The following CECR2 variants were observed in gnomAD, a reference collection of about 807,000 sequenced individuals.
The protein encoded by CECR2 is chromatin remodeling regulator CECR2.
A neutral mutation model predicts 154.5 loss-of-function variants in CECR2; 30 were observed. That is an observed-to-expected ratio of 0.19 (90% CI 0.15 to 0.26). The LOEUF is 0.26. CECR2 is among the 10% of genes least tolerant of loss of function. The probability of loss-of-function intolerance (pLI) is 1.00; values close to 1 mark genes in which losing one functional copy is unlikely to be tolerated. For missense variants in CECR2, 1,743 were observed against 1,829.3 expected, an observed-to-expected ratio of 0.95 and a Z score of 0.86; for synonymous variants, 725 against 683.7, an observed-to-expected ratio of 1.06 and a Z score of -0.94.
At chr22:17,465,190 G>T (rs1173280552) in intron 1 of CECR2, among the ~76,000 whole-genome samples, 1 of 151,878 alleles carries the variant, frequency 6.6e-6, no homozygotes, top group Non-Finnish European at 1.5e-5. Flanking sequence ...TAAAGACGGG[G>T]TTTCACCGTG....
intron 8 of CECR2, among the ~76,000 whole-genome samples, chr22:17,516,063 C>T (rs1196416216): frequency 2.0e-5 from 3 of 152,204 alleles, no homozygotes; most frequent in Non-Finnish European, 4.4e-5. Flanking sequence ...GAATACCTTC[C>T]TATATTATAT....
intron 1 of CECR2, among the ~76,000 whole-genome samples, chr22:17,433,740 C>T (rs1022603172): frequency 2.0e-5 from 3 of 152,170 alleles, no homozygotes; most frequent in Admixed American, 6.5e-5. Flanking sequence ...AGTCACTGTA[C>T]GTGGCCTCCT....
chr22:17,464,781 A>G (rs2054999981), intron 1 of CECR2, among the ~76,000 whole-genome samples: 1 of 152,160 alleles, frequency 6.6e-6, no homozygotes, highest in Admixed American at 6.5e-5. Flanking sequence ...GATTACATCC[A>G]TGAGCCATTG....
chr22:17,465,218 G>A (rs910738889), intron 1 of CECR2, among the ~76,000 whole-genome samples: 3 of 152,064 alleles, frequency 2.0e-5, no homozygotes, highest in African/African-American at 7.2e-5. Context: ...GGATGGTCTT[G>A]ATCTCCTGAC....
intron 1 of CECR2, among the ~76,000 whole-genome samples, chr22:17,454,384 C>G (rs1295543851): frequency 1.3e-5 from 2 of 150,988 alleles, no homozygotes; most frequent in Non-Finnish European, 2.9e-5. Flanking sequence ...GCGGGTGGAT[C>G]CACGAGGTCA....
intron 3 of CECR2, among the ~76,000 whole-genome samples, chr22:17,498,975 A>ATTTT (rs1331385817): frequency 6.9e-6 from 1 of 145,776 alleles, no homozygotes; most frequent in East Asian, 2.4e-4. Flanking sequence ...ATACTTGGAC[A>ATTTT]TTTTTATTTA....
intron 1 of CECR2, among the ~76,000 whole-genome samples, chr22:17,447,933 G>A (rs2146688932): frequency 1.3e-5 from 2 of 152,112 alleles, no homozygotes; most frequent in Non-Finnish European, 2.9e-5. Flanking sequence ...TGGCTGCTGT[G>A]TTGGACAGTG....
chr22:17,474,507 C>T (rs956321669), intron 1 of CECR2, among the ~76,000 whole-genome samples: 21 of 152,148 alleles, frequency 1.4e-4, no homozygotes, highest in African/African-American at 5.1e-4. Flanking sequence ...TGATATTCTA[C>T]TTTCTATTGT....
Position 17,544,836 on chromosome 22 carries a change from AG to A in CECR2, c.2860+1835del, listed in dbSNP as rs370727153. Among the ~76,000 whole-genome samples, 17 of 139,200 alleles carry A rather than the reference AG, an allele frequency of 1.2e-4. 1 individual carries two copies. The highest frequency in any genetic ancestry group is 6.6e-4 in the Admixed American group (9 of 13,584). 91.3% of individuals were successfully genotyped at this position (139,200 alleles called of 152,430 possible). On this transcript the variant is annotated intron_variant, in intron 16 of 18. Coordinates refer to ENST00000262608, the MANE Select transcript of CECR2 (RefSeq NM_001290047.2). The stretch of plus-strand genomic sequence containing the variant: ...AAAAAAAAAAAAAAAAAAAAAAAAA[AG>A]GTTCATGCCTATAGTCCCAGCTACT...
chr22:17,394,422 T>C (rs1601279506), intron 1 of CECR2, among the ~76,000 whole-genome samples: 1 of 151,974 alleles, frequency 6.6e-6, no homozygotes, highest in East Asian at 1.9e-4. Flanking sequence ...CTATCCAGGC[T>C]GGCCTTGAAC....
upstream of CECR2, among the ~76,000 whole-genome samples, chr22:17,367,165 C>CG (rs2063006482): frequency 2.0e-5 from 3 of 152,078 alleles, no homozygotes; most frequent in Non-Finnish European, 4.4e-5. Flanking sequence ...GACAATGGCT[C>CG]AGCCTTTAAA....
intron 1 of CECR2, among the ~76,000 whole-genome samples, chr22:17,459,217 C>A (rs1304010509): frequency 6.6e-6 from 1 of 152,150 alleles, no homozygotes; most frequent in Non-Finnish European, 1.5e-5. Context: ...CCTAAGGACC[C>A]CCAGGGTCAT....
intron 1 of CECR2, among the ~76,000 whole-genome samples, chr22:17,374,536 G>A (rs2063096556): frequency 6.6e-6 from 1 of 152,134 alleles, no homozygotes; most frequent in South Asian, 2.1e-4. Flanking sequence ...CATTCTGGAA[G>A]CAGCCCCCAA....
At chr22:17,444,484 C>T (rs1378658869) in intron 1 of CECR2, among the ~76,000 whole-genome samples, 1 of 151,880 alleles carries the variant, frequency 6.6e-6, no homozygotes, top group African/African-American at 2.4e-5. Context: ...CAATATTAGG[C>T]GACGTGGTGG....
intron 2 of CECR2, among the ~76,000 whole-genome samples, chr22:17,480,417 AATACACACACACAC>A (rs2055286801): frequency 1.8e-5 from 1 of 55,956 alleles, no homozygotes; most frequent in African/African-American, 5.2e-5. Context: ...ACTCATGTAT[AATACACACACACAC>A]ACACACACAC....
intron 6 of CECR2, among the ~76,000 whole-genome samples, chr22:17,504,247 C>T (rs2055793030): frequency 6.6e-6 from 1 of 151,528 alleles, no homozygotes; most frequent in African/African-American, 2.4e-5. Context: ...CTGGTACACA[C>T]CTGTAGTCCC....
At chr22:17,502,013 G>A (rs1296750) in intron 5 of CECR2, among the ~76,000 whole-genome samples, 79,992 of 152,030 alleles carry the variant, frequency 0.53, 21,215 homozygotes, top group Middle Eastern at 0.68. Flanking sequence ...ATTGGATAAT[G>A]CCAATATAGA....
At chr22:17,546,297 C>T in intron 16 of CECR2, among the ~76,000 whole-genome samples, 1 of 151,730 alleles carries the variant, frequency 6.6e-6, no homozygotes. Flanking sequence ...ATCATCCTGG[C>T]TAACACGGTG....
chr22:17,417,214 A>G lies in CECR2; in HGVS notation c.126+47305A>G, dbSNP rs567617034. Among the ~76,000 whole-genome samples the G allele has an allele frequency of 1.7e-3, 258 of 152,360 alleles. 1 individual carries two copies. Among genetic ancestry groups the G allele is most frequent in the Admixed American group, 2.7e-3 (41 of 15,304 alleles). On this transcript the variant is annotated intron_variant, in intron 1 of 18. Transcript: ENST00000262608. Reference sequence around the variant, plus strand: ...ATGGCATTTAGATAAATTTAAATGTAGGCCTACCAACAACCATTGAGTGGC... The same window carrying G: ...ATGGCATTTAGATAAATTTAAATGTGGGCCTACCAACAACCATTGAGTGGC...
Sources: allele counts gnomAD v4.1 joint callset (sites outside exome capture counted in the v4.1 genomes callset), GRCh38; gene constraint gnomAD v4.1.1; transcripts MANE v1.5; gene names NCBI Gene and HGNC (gene_info 2026-07-23, HGNC 2026-07-21).